The following BCAS3 variants were observed in gnomAD, a reference collection of about 807,000 sequenced individuals.
BCAS3 encodes the protein BCAS4/BCAS3 fusion.
Under a neutral mutation model 116.1 loss-of-function variants are expected in BCAS3, and 53 were observed. The ratio of observed to expected loss-of-function variants is 0.46; its 90% CI spans 0.37 to 0.57. The LOEUF (loss-of-function observed/expected upper bound fraction) is 0.57. BCAS3 is among the 20% of genes least tolerant of loss of function. The pLI is 0.00. For synonymous variants in BCAS3, 391 were observed against 408.2 expected, an observed-to-expected ratio of 0.96 and a Z score of 0.51; for missense variants, 917 against 1,165.4, an observed-to-expected ratio of 0.79 and a Z score of 3.10.
chr17:61,099,592 G>A (rs574574783), intron 22 of BCAS3, among the ~76,000 whole-genome samples: 1 of 152,202 alleles, frequency 6.6e-6, no homozygotes, highest in African/African-American at 2.4e-5. Flanking sequence ...TTTATGTTAT[G>A]CTTTTAAAGC....
intron 22 of BCAS3, among the ~76,000 whole-genome samples, chr17:61,102,956 A>G (rs549583946): frequency 6.6e-6 from 1 of 152,242 alleles, no homozygotes; most frequent in East Asian, 1.9e-4. Context: ...AAGATAGGTT[A>G]TACTATTGTC....
intron 15 of BCAS3, among the ~76,000 whole-genome samples, chr17:61,000,126 C>G (rs1225854558): frequency 6.6e-6 from 1 of 151,846 alleles, no homozygotes; most frequent in Admixed American, 6.6e-5. Flanking sequence ...TTATTTATTT[C>G]TGTTACCTAA....
chr17:61,323,568 A>G lies in BCAS3; in HGVS notation c.2426-44759A>G, dbSNP rs569866188. On this transcript the variant is annotated intron_variant, in intron 22 of 23. Coordinates refer to ENST00000407086, the MANE Select transcript of BCAS3 (RefSeq NM_017679.5). The surrounding 1 kb of genome is among the most constrained non-coding windows in gnomAD (Gnocchi z 4.6). ...TGATAATGTAAAAATGCTTTGAGAA[A>G]TATCTTAGCTGTTCTCAAAATTATA... Among the ~76,000 whole-genome samples, 10 of 152,330 alleles carry G rather than the reference A, an allele frequency of 6.6e-5. No individual in the cohort carries two copies. The highest frequency in any genetic ancestry group is 1.9e-4 in the African/African-American group (8 of 41,578).
intron 14 of BCAS3, among the ~76,000 whole-genome samples, chr17:60,983,880 TCTTA>T (rs1167386698): frequency 6.6e-6 from 1 of 152,228 alleles, no homozygotes; most frequent in Non-Finnish European, 1.5e-5. Flanking sequence ...ATTTCTTTTC[TCTTA>T]CTTCTTCTGT....
At chr17:60,918,428 T>A (rs972533933) in intron 12 of BCAS3, among the ~76,000 whole-genome samples, 1 of 152,202 alleles carries the variant, frequency 6.6e-6, no homozygotes, top group Non-Finnish European at 1.5e-5. Flanking sequence ...CACTTAGCAT[T>A]TCTATGTGTA....
intron 13 of BCAS3, among the ~76,000 whole-genome samples, chr17:60,932,372 C>T (rs1468456367): frequency 6.6e-6 from 1 of 151,968 alleles, no homozygotes; most frequent in Non-Finnish European, 1.5e-5. Context: ...TATAGCAGGG[C>T]AAAATTAAGA....
rs1186607643 is a variant in BCAS3, at chr17:61,132,885, C to A, written c.2425+48321C>A. Among the ~76,000 whole-genome samples the A allele has an allele frequency of 6.6e-6, 1 of 152,148 alleles. No homozygotes were observed. Among genetic ancestry groups the A allele is most frequent in the Non-Finnish European group, 1.5e-5 (1 of 68,020 alleles). ...AAATGCCACCACCCCTGATTCATGA[C>A]CTGACCTACTGAAAGGTTTAACTTC... On this transcript the variant is annotated intron_variant, in intron 22 of 23. Coordinates refer to ENST00000407086, the MANE Select transcript of BCAS3 (RefSeq NM_017679.5). This position sits in a 1 kb window ranked among gnomAD's most constrained non-coding sequence, Gnocchi z 5.1.
At chr17:60,802,241 G>A (rs1018394427) in intron 6 of BCAS3, among the ~76,000 whole-genome samples, 30 of 145,716 alleles carry the variant, frequency 2.1e-4, no homozygotes, top group Non-Finnish European at 3.7e-4. Context: ...CCAAAATCAC[G>A]CCACTGCACT....
Position 61,084,516 on chromosome 17 carries a change from C to G in BCAS3, c.2377C>G (p.Pro793Ala). ...CGTCAGCATGCCAGGGTCATCCCGT[C>G]CAGTCTCTGATCGAAGGGGAGTTTC... ...DPVSMPGSSRPVSDRRGVSTV... is the reference protein window; with the variant it reads ...DPVSMPGSSRAVSDRRGVSTV... The change falls in exon 22 of 24, where the codon CCA (proline) becomes GCA (alanine). Residue 793 changes from proline to alanine, a missense_variant. Around this residue, in one of 3 missense-constraint regions of BCAS3, gnomAD observed 807 missense variants for 1,026.0 expected, o/e 0.79. Coordinates refer to ENST00000407086, the MANE Select transcript of BCAS3 (RefSeq NM_017679.5). This position sits in a 1 kb window ranked among gnomAD's most constrained non-coding sequence, Gnocchi z 5.5. 6.2e-7 allele frequency: 1 copy of G among 1,614,174 alleles called. No homozygotes were observed. The highest frequency in any genetic ancestry group is 8.5e-7 in the Non-Finnish European group (1 of 1,180,012).
In BCAS3 at chr17:61,302,323, A is replaced by G. The variant is rs1201717026; in HGVS notation, c.2426-66004A>G. Among the ~76,000 whole-genome samples, 4 of 152,210 alleles carry G rather than the reference A, an allele frequency of 2.6e-5. No individual in the cohort carries two copies. Among genetic ancestry groups the G allele is most frequent in the African/African-American group, 9.7e-5 (4 of 41,450 alleles). ...TGTCTTATTCTCCAGAGACGACTTC[A>G]AGTATTCAGCAATAACTCATGTCCA... On this transcript the variant is annotated intron_variant, in intron 22 of 23. Coordinates refer to ENST00000407086, the MANE Select transcript of BCAS3 (RefSeq NM_017679.5). The surrounding 1 kb of genome is among the most constrained non-coding windows in gnomAD (Gnocchi z 4.4).
intron 2 of BCAS3, among the ~76,000 whole-genome samples, chr17:60,679,914 G>A (rs1380550592): frequency 3.3e-5 from 5 of 152,154 alleles, no homozygotes; most frequent in East Asian, 1.9e-4. Flanking sequence ...CCAGGCAGGC[G>A]GATCACGAGA....
intron 9 of BCAS3, among the ~76,000 whole-genome samples, chr17:60,877,173 G>GAT (rs10538503): frequency 0.02 from 2,925 of 147,396 alleles, 31 homozygotes; most frequent in South Asian, 0.031. Flanking sequence ...TTTAAGAAAT[G>GAT]ATATATATAT....
At chr17:60,693,128 G>A (rs974519252) in intron 4 of BCAS3, among the ~76,000 whole-genome samples, 4 of 151,896 alleles carry the variant, frequency 2.6e-5, no homozygotes, top group Non-Finnish European at 5.9e-5. Flanking sequence ...TGCCCGCTTT[G>A]GCCTCCCAAA....
At position 61,004,501 on chromosome 17, in the gene BCAS3, A is replaced by G. The variant is rs997148456; in HGVS notation, c.1487-11250A>G. ...TTAGAAATTATCAGACTTGAGAATAACAGACATGAATAGTCTTGAGGTTGA... is the reference window on the plus strand; with the variant it reads ...TTAGAAATTATCAGACTTGAGAATAGCAGACATGAATAGTCTTGAGGTTGA... On this transcript the variant is annotated intron_variant, in intron 15 of 23. Coordinates refer to ENST00000407086, the MANE Select transcript of BCAS3 (RefSeq NM_017679.5). This position sits in a 1 kb window ranked among gnomAD's most constrained non-coding sequence, Gnocchi z 4.8. Among the ~76,000 whole-genome samples, 51 of 152,132 alleles carry G rather than the reference A, an allele frequency of 3.4e-4. No individual in the cohort carries two copies. The highest frequency in any genetic ancestry group is 6.9e-4 in the Non-Finnish European group (47 of 67,996).
chr17:60,957,796 C>T (rs1444999511), intron 14 of BCAS3, among the ~76,000 whole-genome samples: 1 of 152,158 alleles, frequency 6.6e-6, no homozygotes, highest in African/African-American at 2.4e-5. Flanking sequence ...GGGGCCAATA[C>T]CGATTTCAGA....
chr17:60,785,368 A>G (rs2046204583), intron 6 of BCAS3, among the ~76,000 whole-genome samples: 1 of 152,058 alleles, frequency 6.6e-6, no homozygotes, highest in African/African-American at 2.4e-5. Context: ...CATGTTGGTC[A>G]GGCTGGTCTC....
At position 61,161,733 on chromosome 17, in the gene BCAS3, C is replaced by T. The variant is rs2078178681; in HGVS notation, c.2425+77169C>T. Among the ~76,000 whole-genome samples the T allele has an allele frequency of 6.6e-6, 1 of 151,984 alleles. No individual in the cohort carries two copies. On this transcript the variant is annotated intron_variant, in intron 22 of 23. Coordinates refer to ENST00000407086, the MANE Select transcript of BCAS3 (RefSeq NM_017679.5). The surrounding 1 kb of genome is among the most constrained non-coding windows in gnomAD (Gnocchi z 4.8). ...GCGCCCCTCCCCTCAGCACACATAC[C>T]AGCCCCCGCAATTCCAGTTTCATGG...
chr17:61,145,807 G>T lies in BCAS3; in HGVS notation c.2425+61243G>T. ...TAATATGAAAGTCCTCTTAACAAGCGTGGACAGAGGAAGTTTTAGGTTTGA... is the reference window on the plus strand; with the variant it reads ...TAATATGAAAGTCCTCTTAACAAGCTTGGACAGAGGAAGTTTTAGGTTTGA... On this transcript the variant is annotated intron_variant, in intron 22 of 23. Coordinates refer to ENST00000407086, the MANE Select transcript of BCAS3 (RefSeq NM_017679.5). The surrounding 1 kb of genome is among the most constrained non-coding windows in gnomAD (Gnocchi z 5.0). 6.6e-6 allele frequency among the ~76,000 whole-genome samples: 1 copy of T among 152,096 alleles called. No homozygotes were observed. Among genetic ancestry groups the T allele is most frequent in the East Asian group, 1.9e-4 (1 of 5,178 alleles).
At chr17:61,154,115 A>T (rs1448670056) in intron 22 of BCAS3, among the ~76,000 whole-genome samples, 1 of 152,124 alleles carries the variant, frequency 6.6e-6, no homozygotes, top group East Asian at 1.9e-4. Flanking sequence ...TTTCCTTTAG[A>T]TATTTGTCGC....
Sources: allele counts gnomAD v4.1 joint callset (sites outside exome capture counted in the v4.1 genomes callset), GRCh38; gene constraint gnomAD v4.1.1; regional missense constraint gnomAD v4.1.1; non-coding constraint Gnocchi (gnomAD v3.1); transcripts MANE v1.5; gene names NCBI Gene and HGNC (gene_info 2026-07-23, HGNC 2026-07-21).